Variants in DRAM2 observed in about 807,000 individuals in gnomAD.
DRAM2 encodes the protein DNA damage-regulated autophagy modulator protein 2.
In DRAM2, 26 loss-of-function variants were observed where a neutral mutation model predicts 33.5. The ratio of observed to expected loss-of-function variants is 0.78; its 90% CI spans 0.57 to 1.08. DRAM2 has a LOEUF of 1.08. DRAM2 is among the 50% of genes least tolerant of loss of function. The pLI is 0.00. For missense variants in DRAM2, 311 were observed against 318.1 expected (o/e 0.98, Z 0.17); for synonymous variants, 98 against 109.5 (o/e 0.89, Z 0.66).
At chr1:111,126,015 G>A (rs1029529117) in intron 5 of DRAM2, among the ~76,000 whole-genome samples, 4 of 151,932 alleles carry the variant, frequency 2.6e-5, no homozygotes, top group Admixed American at 1.3e-4. Flanking sequence ...AGAATAATCC[G>A]ACACATATTT....
At position 111,135,784 on chromosome 1, in the gene DRAM2, G is replaced by A. The variant is rs193253975; in HGVS notation, c.-15+1739C>T. 2.4e-3 allele frequency among the ~76,000 whole-genome samples: 365 copies of A among 152,328 alleles called. 1 individual carries two copies. The highest frequency in any genetic ancestry group is 8.2e-3 in the African/African-American group (341 of 41,582). ...CTACAGTATGAAAATTGAGGACGGT[G>A]TCTTTAGGGAATAAGATCCTTCCAC... On this transcript the variant is annotated intron_variant, in intron 3 of 9. Transcript: ENST00000484310.
intron 4 of DRAM2, among the ~76,000 whole-genome samples, chr1:111,129,262 C>CA (rs1651603812): frequency 6.6e-6 from 1 of 151,994 alleles, no homozygotes; most frequent in Non-Finnish European, 1.5e-5. Context: ...AGCAACAAAA[C>CA]AAAAAATATT....
At chr1:111,132,562 G>A (rs575793937) in intron 3 of DRAM2, among the ~76,000 whole-genome samples, 1 of 152,272 alleles carries the variant, frequency 6.6e-6, no homozygotes, top group Admixed American at 6.5e-5. Flanking sequence ...TGAATTAGGG[G>A]ATATCCAATT....
chr1:111,119,655 G>C (rs1638952833), intron 8 of DRAM2: 1 of 490,190 alleles, frequency 2.0e-6, no homozygotes, highest in Admixed American at 3.6e-5. Flanking sequence ...TTCTGCCATC[G>C]CAATGCTCTT....
chr1:111,117,892 TA>T lies in DRAM2; in HGVS notation c.*267del. On this transcript the variant is annotated 3_prime_UTR_variant, in exon 10 of 10. Coordinates refer to ENST00000484310, the MANE Select transcript of DRAM2 (RefSeq NM_001349884.2). ...CAGGTTGTTTCTCTTAAATAAGGTATAAAAAACTATGATATCATAGTCTTTT... is the reference window on the plus strand; with the variant it reads ...CAGGTTGTTTCTCTTAAATAAGGTATAAAAACTATGATATCATAGTCTTTT... 4.7e-6 allele frequency: 2 copies of T among 427,500 alleles called. No individual in the cohort carries two copies. Among genetic ancestry groups the T allele is most frequent in the South Asian group, 2.5e-5 (1 of 39,614 alleles). 26.5% of individuals were successfully genotyped at this position (427,500 alleles called of 1,614,324 possible).
intron 4 of DRAM2, 24 bp from the exon 5 acceptor site, chr1:111,126,318 G>T (rs752834081): frequency 1.3e-6 from 2 of 1,498,796 alleles, no homozygotes; most frequent in African/African-American, 2.8e-5. Flanking sequence ...AGGAAGGTAT[G>T]TGGATTTCTC....
chr1:111,134,027 C>T lies in DRAM2; in HGVS notation c.-14-2459G>A, dbSNP rs190984195. 3.0e-4 allele frequency among the ~76,000 whole-genome samples: 45 copies of T among 152,284 alleles called. No individual in the cohort carries two copies. The East Asian group carries it at 8.3e-3, about 28-fold the overall frequency. ...GAACAGGAAACAACTGTTCTGTTCACTATTATATTTCCAGCTCCTACATTG... is the reference window on the plus strand; with the variant it reads ...GAACAGGAAACAACTGTTCTGTTCATTATTATATTTCCAGCTCCTACATTG... On this transcript the variant is annotated intron_variant, in intron 3 of 9. Transcript: ENST00000484310.
chr1:111,122,830 G>C lies in DRAM2; in HGVS notation c.339+1912C>G, dbSNP rs1336202305. Among the ~76,000 whole-genome samples, 5 of 152,054 alleles carry C rather than the reference G, an allele frequency of 3.3e-5. No homozygotes were observed. The South Asian group carries it at 6.2e-4, about 19-fold the overall frequency. On this transcript the variant is annotated intron_variant, in intron 6 of 9. Coordinates refer to ENST00000484310, the MANE Select transcript of DRAM2 (RefSeq NM_001349884.2). ...TGCATGAAGAGATGTTAACAAAAGA[G>C]AAAAAGTAATTTAGTCAAAATTACA...
intron 6 of DRAM2, among the ~76,000 whole-genome samples, chr1:111,122,205 C>T (rs189524789): frequency 4.7e-4 from 71 of 152,206 alleles, no homozygotes; most frequent in East Asian, 2.1e-3. Context: ...TAAGCAAGGA[C>T]ACAGGGATGC....
At chr1:111,133,939 C>T (rs1652643372) in intron 3 of DRAM2, among the ~76,000 whole-genome samples, 1 of 152,234 alleles carries the variant, frequency 6.6e-6, no homozygotes, top group Non-Finnish European at 1.5e-5. Flanking sequence ...CCAACCAGGG[C>T]ACTCATTACA....
chr1:111,131,800 A>C (rs1338532506), intron 3 of DRAM2, among the ~76,000 whole-genome samples: 1 of 152,222 alleles, frequency 6.6e-6, no homozygotes, highest in Non-Finnish European at 1.5e-5. Context: ...CTTCCCATGG[A>C]AAGTACCAAG....
In DRAM2 at chr1:111,119,902, T is replaced by G. The variant is rs1212789717; in HGVS notation, c.575A>C (p.Lys192Thr). The G allele has an allele frequency of 6.2e-7, 1 of 1,612,888 alleles. No individual in the cohort carries two copies. Among genetic ancestry groups the G allele is most frequent in the Admixed American group, 1.7e-5 (1 of 59,926 alleles). ...TTTGTCCTCGGGGTTCCAATGGAGT[T>G]TCTGTTCTAAATCAGTCCCAAAATT... ...SGNFGTDLEQ[K>T]LHWNPEDKGY... The change falls in exon 8 of 10, where the codon AAA becomes ACA. Residue 192 changes from lysine to threonine, a missense_variant. Physicochemically the swap from Lys to Thr is moderately conservative, Grantham distance 78 (BLOSUM62 -1). Coordinates refer to ENST00000484310, the MANE Select transcript of DRAM2 (RefSeq NM_001349884.2).
At chr1:111,131,630 C>A in intron 3 of DRAM2, 62 bp from the exon 4 acceptor site, 2 of 1,536,368 alleles carry the variant, frequency 1.3e-6, no homozygotes, top group Non-Finnish European at 1.8e-6. Flanking sequence ...CCTACTTTAG[C>A]CATCCATGCC....
At position 111,119,901 on chromosome 1, in the gene DRAM2, T is replaced by C. The variant is rs1443505582; in HGVS notation, c.576A>G (p.Lys192=). The part of the protein sequence containing the change: ...SGNFGTDLEQ[K]LHWNPEDKGY... Reference sequence around the variant, plus strand: ...CTTTGTCCTCGGGGTTCCAATGGAGTTTCTGTTCTAAATCAGTCCCAAAAT... The same window carrying C: ...CTTTGTCCTCGGGGTTCCAATGGAGCTTCTGTTCTAAATCAGTCCCAAAAT... Residue 192 remains lysine (K), a synonymous_variant, in exon 8 of 10, where the codon AAA becomes AAG. Coordinates refer to ENST00000484310, the MANE Select transcript of DRAM2 (RefSeq NM_001349884.2). 1 of 1,612,778 alleles carries C rather than the reference T, an allele frequency of 6.2e-7. No homozygotes were observed. Among genetic ancestry groups the C allele is most frequent in the Non-Finnish European group, 8.5e-7 (1 of 1,179,122 alleles).
chr1:111,124,737 C>CA lies in DRAM2; in HGVS notation c.339+4dup. On this transcript the variant is annotated splice_donor_region_variant and intron_variant, in intron 6 of 9. Transcript: ENST00000484310. ...AAAATACCTATGCTGGGCTAAAACA[C>CA]AAACCTGGAAGTTTGCCACAATAGA... The CA allele has an allele frequency of 6.2e-7, 1 of 1,613,062 alleles. No individual in the cohort carries two copies. Among genetic ancestry groups the CA allele is most frequent in the African/African-American group, 1.3e-5 (1 of 74,958 alleles).
intron 6 of DRAM2, among the ~76,000 whole-genome samples, chr1:111,123,881 T>C (rs2101037338): frequency 6.6e-6 from 1 of 152,312 alleles, no homozygotes; most frequent in African/African-American, 2.4e-5. Flanking sequence ...CTTTCCATCA[T>C]GTGTAAGCTT....
At chr1:111,128,123 TTTC>T (rs1281353363) in intron 4 of DRAM2, 1 of 150,366 alleles carries the variant, frequency 6.7e-6, no homozygotes, top group African/African-American at 2.5e-5. Context: ...GCTAAACCAT[TTTC>T]TTCGTTTCTT....
intron 3 of DRAM2, among the ~76,000 whole-genome samples, chr1:111,134,262 T>C: frequency 6.6e-6 from 1 of 152,066 alleles, no homozygotes; most frequent in Admixed American, 6.5e-5. Flanking sequence ...CTCCTATGAA[T>C]GTGAGAATAA....
intron 2 of DRAM2, 115 bp downstream of exon 2, chr1:111,139,386 T>C (rs137970027): frequency 6.6e-6 from 1 of 152,264 alleles, no homozygotes; most frequent in Non-Finnish European, 1.5e-5. Flanking sequence ...GCGATAGAAT[T>C]GAGTGCAGAA....
Sources: allele counts gnomAD v4.1 joint callset (sites outside exome capture counted in the v4.1 genomes callset), GRCh38; gene constraint gnomAD v4.1.1; transcripts MANE v1.5; gene names NCBI Gene and HGNC (gene_info 2026-07-23, HGNC 2026-07-21).